Variants in PRMT2 observed in about 807,000 individuals in gnomAD.
PRMT2 encodes protein arginine methyltransferase 2.
PRMT2 carries 26 observed loss-of-function variants against 57.6 expected under a neutral mutation model. That is an observed-to-expected ratio of 0.45 (90% CI 0.33 to 0.63). PRMT2 has a LOEUF of 0.63. PRMT2 is among the 20% of genes least tolerant of loss of function. PRMT2 has a pLI of 0.02. For missense variants in PRMT2, 472 were observed against 564.4 expected (o/e 0.84, Z 1.66); for synonymous variants, 219 against 220.0 (o/e 1.00, Z 0.04).
chr21:46,659,887 G>A (rs2061594755), intron 8 of PRMT2: 1 of 985,404 alleles, frequency 1.0e-6, no homozygotes, highest in Non-Finnish European at 1.2e-6. Flanking sequence ...TATTTAGAAA[G>A]GGTTTAAGAG....
In PRMT2 at chr21:46,665,090, T is replaced by C. The variant is rs1483135242; in HGVS notation, c.*763T>C. Reference sequence around the variant, plus strand: ...TACATGTCCATAATTTTTTTTTGTATTGTTTTGATTTTTATTAAATTTTAT... The same window carrying C: ...TACATGTCCATAATTTTTTTTTGTACTGTTTTGATTTTTATTAAATTTTAT... On this transcript the variant is annotated 3_prime_UTR_variant, in exon 12 of 12. Coordinates refer to ENST00000355680, the MANE Select transcript of PRMT2 (RefSeq NM_206962.4). 1 of 152,134 alleles carries C rather than the reference T, an allele frequency of 6.6e-6. No homozygotes were observed. Among genetic ancestry groups the C allele is most frequent in the Non-Finnish European group, 1.5e-5 (1 of 68,026 alleles). 9.4% of individuals were successfully genotyped at this position (152,134 alleles called of 1,614,324 possible). A position where few individuals can be genotyped will look rare whatever the true frequency, so the allele number is the denominator to read the frequency against.
intron 5 of PRMT2, among the ~76,000 whole-genome samples, chr21:46,646,702 A>T (rs1161407713): frequency 1.3e-5 from 2 of 152,202 alleles, no homozygotes; most frequent in Non-Finnish European, 2.9e-5. Context: ...GAATTTCTAT[A>T]GGGTAAATTC....
In PRMT2 at chr21:46,660,967, G is replaced by T. The variant is rs2061611246; in HGVS notation, c.960+5G>T. The T allele has an allele frequency of 6.2e-7, 1 of 1,609,638 alleles. No homozygotes were observed. The highest frequency in any genetic ancestry group is 1.3e-5 in the African/African-American group (1 of 74,732). The stretch of plus-strand genomic sequence containing the variant: ...GTGCAAATTTCTGATCTAGAGGTGA[G>T]AAAAAGATGAATTGCTCCTTACATT... On this transcript the variant is annotated splice_donor_5th_base_variant and intron_variant, in intron 9 of 11. Transcript: ENST00000355680.
intron 11 of PRMT2, 67 bp from the exon 12 acceptor site, chr21:46,664,228 A>G: frequency 2.2e-6 from 3 of 1,354,522 alleles, no homozygotes; most frequent in Non-Finnish European, 3.2e-6. Flanking sequence ...TTAAACCATT[A>G]GGAAATGTAG....
In PRMT2 at chr21:46,663,541, C is replaced by T; in HGVS notation, c.1256C>T (p.Pro419Leu). ...TGGGCTGTCACTTCCAGACAAGACC[C>T]CACATCTCAAAAAGTAAGATACGTA... ...LSWAVTSRQD[P>L]TSQKVGEKVF... The change falls in exon 11 of 12, where the codon CCC (proline) becomes CTC (leucine). Residue 419 changes from proline to leucine, a missense_variant. Physicochemically the swap from Pro to Leu is moderately conservative, Grantham distance 98. Coordinates refer to ENST00000355680, the MANE Select transcript of PRMT2 (RefSeq NM_206962.4). 1 of 1,613,614 alleles carries T rather than the reference C, an allele frequency of 6.2e-7. No homozygotes were observed. Among genetic ancestry groups the T allele is most frequent in the Non-Finnish European group, 8.5e-7 (1 of 1,179,690 alleles).
intron 7 of PRMT2, chr21:46,651,903 G>T (rs1412630453): frequency 6.2e-7 from 1 of 1,613,062 alleles, no homozygotes; most frequent in Admixed American, 1.7e-5. Flanking sequence ...CCCTGCACCT[G>T]TGCGTCTGTC....
Position 46,664,748 on chromosome 21 carries a change from C to G in PRMT2, c.*421C>G, listed in dbSNP as rs2061678726. 4.2e-6 allele frequency: 1 copy of G among 238,380 alleles called. No individual in the cohort carries two copies. The highest frequency in any genetic ancestry group is 8.5e-6 in the Non-Finnish European group (1 of 118,276). 14.8% of individuals were successfully genotyped at this position (238,380 alleles called of 1,614,324 possible). On this transcript the variant is annotated 3_prime_UTR_variant, in exon 12 of 12. Coordinates refer to ENST00000355680, the MANE Select transcript of PRMT2 (RefSeq NM_206962.4). ...TGGTGCCCTTACTGCCGTCGCTCAT[C>G]CACTCGTGTGGGACGTAGGATTGCA...
At chr21:46,658,542 A>C in intron 7 of PRMT2, 1 of 850,244 alleles carries the variant, frequency 1.2e-6, no homozygotes, top group African/African-American at 1.7e-5. Context: ...ACTTAAACCC[A>C]GGCTGTGAGA....
chr21:46,661,044 C>T, intron 9 of PRMT2, 82 bp downstream of exon 9: 1 of 1,427,828 alleles, frequency 7.0e-7, no homozygotes, highest in Non-Finnish European at 9.5e-7. Context: ...TTATCAAAAA[C>T]CTTCAGTGAG....
intron 10 of PRMT2, among the ~76,000 whole-genome samples, chr21:46,662,744 G>A (rs116912807): frequency 0.011 from 1,675 of 152,264 alleles, 25 homozygotes; most frequent in Non-Finnish European, 0.016. Flanking sequence ...GGAGTTTGAG[G>A]GAAGACAGAG....
At chr21:46,658,660 C>T (rs937091504) in intron 7 of PRMT2, 85 bp from the exon 8 acceptor site, 5 of 1,563,926 alleles carry the variant, frequency 3.2e-6, no homozygotes, top group East Asian at 2.3e-5. Context: ...AACTGTCAGA[C>T]TAGTGTTACG....
chr21:46,658,083 T>C (rs8132427), intron 7 of PRMT2: 21,070 of 152,352 alleles, frequency 0.14, 1,567 homozygotes, highest in African/African-American at 0.18. Flanking sequence ...CCCTGGGTGG[T>C]TTGCAGGGGC....
intron 5 of PRMT2, among the ~76,000 whole-genome samples, chr21:46,646,065 G>T (rs1244215696): frequency 2.0e-5 from 3 of 152,116 alleles, no homozygotes; most frequent in African/African-American, 7.2e-5. Context: ...CTGAGGGCAG[G>T]AGTGGCTCCC....
chr21:46,658,514 C>T, intron 7 of PRMT2: 2 of 619,286 alleles, frequency 3.2e-6, no homozygotes, highest in Non-Finnish European at 5.1e-6. Flanking sequence ...GTTCATAGTT[C>T]TAATGGGAAA....
Position 46,658,773 on chromosome 21 carries a change from A to G in PRMT2, c.683A>G (p.Tyr228Cys), listed in dbSNP as rs1415530981. 3 of 1,614,086 alleles carry G rather than the reference A, an allele frequency of 1.9e-6. No homozygotes were observed. Among genetic ancestry groups the G allele is most frequent in the Non-Finnish European group, 2.5e-6 (3 of 1,180,044 alleles). Residue 228 changes from tyrosine to cysteine, a missense_variant, in exon 8 of 12, where the codon TAT becomes TGT. Tyr to Cys is a radical substitution (Grantham distance 194). Transcript: ENST00000355680. Reference sequence around the variant, plus strand: ...GAGTTCATGATCGAGTCCATCCTGTATGCCCGGGATGCCTGGCTGAAGGAG... The same window carrying G: ...GAGTTCATGATCGAGTCCATCCTGTGTGCCCGGGATGCCTGGCTGAAGGAG... ...LFEFMIESILYARDAWLKEDG... is the reference protein window; with the variant it reads ...LFEFMIESILCARDAWLKEDG...
In PRMT2 at chr21:46,643,613, G is replaced by A; in HGVS notation, c.118G>A (p.Asp40Asn). 1 of 1,610,866 alleles carries A rather than the reference G, an allele frequency of 6.2e-7. No homozygotes were observed. Among genetic ancestry groups the A allele is most frequent in the Non-Finnish European group, 8.5e-7 (1 of 1,179,186 alleles). Residue 40 changes from aspartate (D) to asparagine (N), a missense_variant, in exon 4 of 12, where the codon GAC becomes AAC. Physicochemically the swap from Asp to Asn is conservative, Grantham distance 23 (BLOSUM62 1). This residue lies in a region of PRMT2 where 243 missense variants were observed against 347.2 expected (regional missense o/e 0.70). Coordinates refer to ENST00000355680, the MANE Select transcript of PRMT2 (RefSeq NM_206962.4). Reference sequence around the variant, plus strand: ...GCCAGAGGAGTTTGTGGCCATCGCGGACTACGCTGCCACCGATGAGACCCA... The same window carrying A: ...GCCAGAGGAGTTTGTGGCCATCGCGAACTACGCTGCCACCGATGAGACCCA... ...VQPEEFVAIA[D>N]YAATDETQLS...
chr21:46,647,108 T>C (rs1159171091), intron 5 of PRMT2, among the ~76,000 whole-genome samples: 1 of 152,234 alleles, frequency 6.6e-6, no homozygotes, highest in Non-Finnish European at 1.5e-5. Flanking sequence ...CTCATTTCCC[T>C]ACCACAAATC....
rs533385533 is a variant in PRMT2 at position 46,664,792 on chromosome 21, G to A, written c.*465G>A. On this transcript the variant is annotated 3_prime_UTR_variant, in exon 12 of 12. Transcript: ENST00000355680. ...GATTGCACAGGGCTGTGCCAGTGGC[G>A]TGTAGGGAACACTGCCCTGGCTCAG... 16 of 194,934 alleles carry A rather than the reference G, an allele frequency of 8.2e-5. No homozygotes were observed. Among genetic ancestry groups the A allele is most frequent in the African/African-American group, 2.5e-4 (11 of 44,366 alleles). The allele number at this position is 194,934 out of a possible 1,614,324, so 12.1% of individuals were successfully genotyped here. A position where few individuals can be genotyped will look rare whatever the true frequency, so the allele number is the denominator to read the frequency against.
chr21:46,649,942 A>C lies in PRMT2; in HGVS notation c.654+203A>C. 2 of 1,447,806 alleles carry C rather than the reference A, an allele frequency of 1.4e-6. No individual in the cohort carries two copies. Among genetic ancestry groups the C allele is most frequent in the Non-Finnish European group, 1.8e-6 (2 of 1,098,518 alleles). 89.7% of individuals were successfully genotyped at this position (1,447,806 alleles called of 1,614,324 possible). A position where few individuals can be genotyped will look rare whatever the true frequency, so the allele number is the denominator to read the frequency against. On this transcript the variant is annotated intron_variant, in intron 7 of 11. Transcript: ENST00000355680. The surrounding 1 kb of genome is among the most constrained non-coding windows in gnomAD (Gnocchi z 4.8). ...TGATTTAAAAAATGCCTTTATGAGA[A>C]ATTTAAGTCAAAGTTCATGTAACAT...
Sources: gnomAD v4.1 joint callset for allele counts (sites outside exome capture counted in the v4.1 genomes callset) on GRCh38, gnomAD v4.1.1 for gene constraint, gnomAD v4.1.1 regional missense constraint, Gnocchi (gnomAD v3.1) non-coding constraint, MANE v1.5 for transcripts, NCBI Gene and HGNC (gene_info 2026-07-23, HGNC 2026-07-21) for gene names.